ABLIM2: variants seen among roughly 807,000 people sequenced by gnomAD.
ABLIM2 encodes the protein actin binding LIM protein family member 2, also known as actin-binding LIM protein 2.
In ABLIM2, 53 loss-of-function variants were observed where a neutral mutation model predicts 97.7. The ratio of observed to expected loss-of-function variants is 0.54; its 90% CI spans 0.44 to 0.68. ABLIM2 has a LOEUF of 0.68. ABLIM2 is among the 30% of genes least tolerant of loss of function. The pLI is 0.00. For synonymous variants in ABLIM2, 361 were observed against 345.8 expected, an observed-to-expected ratio of 1.04 and a Z score of -0.49; for missense variants, 835 against 867.2, an observed-to-expected ratio of 0.96 and a Z score of 0.47.
At chr4:7,987,975 G>C (rs957213018) in intron 17 of ABLIM2, among the ~76,000 whole-genome samples, 8 of 152,150 alleles carry the variant, frequency 5.3e-5, no homozygotes, top group Non-Finnish European at 4.4e-5. Flanking sequence ...GCAGGCACCA[G>C]GGATTTTAAA....
At chr4:8,024,222 G>A (rs1775844382) in intron 12 of ABLIM2, among the ~76,000 whole-genome samples, 1 of 152,144 alleles carries the variant, frequency 6.6e-6, no homozygotes, top group Non-Finnish European at 1.5e-5. Flanking sequence ...GAGGCTGCCT[G>A]GCCAGAGGCT....
chr4:7,995,584 C>A (rs192828439), intron 16 of ABLIM2, among the ~76,000 whole-genome samples: 13 of 152,346 alleles, frequency 8.5e-5, no homozygotes, highest in Non-Finnish European at 1.6e-4. Flanking sequence ...CATGGGGACA[C>A]AGAGAAGCCT....
Position 7,966,828 on chromosome 4 carries a change from G to A in ABLIM2, c.*162C>T, listed in dbSNP as rs1723192172. The A allele has an allele frequency of 5.1e-6, 3 of 587,308 alleles. No individual in the cohort carries two copies. The highest frequency in any genetic ancestry group is 6.0e-6 in the Non-Finnish European group (2 of 331,332). The allele number at this position is 587,308 out of a possible 1,614,324, so 36.4% of individuals were successfully genotyped here. On this transcript the variant is annotated 3_prime_UTR_variant, in exon 21 of 21. Coordinates refer to ENST00000447017, the MANE Select transcript of ABLIM2 (RefSeq NM_001130083.2). ...GCCCTAAACTACCGGCAGGAGTGTC[G>A]CCGGCAGGTGCAGGGGCCGCACCTG...
At position 7,992,941 on chromosome 4, in the gene ABLIM2, A is replaced by G. The variant is rs969922302; in HGVS notation, c.1619-14T>C. ...AATAGGGGAATCCTGAAACAGACAC[A>G]GCACAGCTTTGTCACGCGCGCAGAC... is the stretch of plus-strand genomic sequence containing the variant. On this transcript the variant is annotated splice_polypyrimidine_tract_variant and intron_variant, in intron 16 of 20. Coordinates refer to ENST00000447017, the MANE Select transcript of ABLIM2 (RefSeq NM_001130083.2). This position sits in a 1 kb window ranked among gnomAD's most constrained non-coding sequence, Gnocchi z 5.7. The G allele has an allele frequency of 6.2e-7, 1 of 1,612,190 alleles. No individual in the cohort carries two copies. The highest frequency in any genetic ancestry group is 1.1e-5 in the South Asian group (1 of 90,672).
chr4:8,005,547 A>C lies in ABLIM2; in HGVS notation c.1618+2512T>G. 1 of 489,458 alleles carries C rather than the reference A, an allele frequency of 2.0e-6. No individual in the cohort carries two copies. Among genetic ancestry groups the C allele is most frequent in the Non-Finnish European group, 4.2e-6 (1 of 239,574 alleles). The allele number at this position is 489,458 out of a possible 1,614,324, so 30.3% of individuals were successfully genotyped here. On this transcript the variant is annotated intron_variant, in intron 16 of 20. Transcript: ENST00000447017. The surrounding 1 kb of genome is among the most constrained non-coding windows in gnomAD (Gnocchi z 4.9). ...GGGCTACTTGGTGACAATCAAAAGA[A>C]CCCCGAGAGAAAAAAAAGGGTGGCT...
intron 1 of ABLIM2, among the ~76,000 whole-genome samples, chr4:8,154,904 G>T (rs1714777743): frequency 6.6e-6 from 1 of 152,262 alleles, no homozygotes; most frequent in Non-Finnish European, 1.5e-5. Context: ...GAAGACGAAG[G>T]AGGGGCAAAG....
In ABLIM2 at chr4:8,148,604, C is replaced by CA. The variant is rs1852207631; in HGVS notation, c.10+10075_10+10076insT. Reference sequence around the variant, plus strand: ...AGGATTATAGGGTGAAAGCACATCGCGGTGCTGGGTCCACACTGGGGAAGC... The same window carrying CA: ...AGGATTATAGGGTGAAAGCACATCGCAGGTGCTGGGTCCACACTGGGGAAGC... On this transcript the variant is annotated intron_variant, in intron 1 of 20. Coordinates refer to ENST00000447017, the MANE Select transcript of ABLIM2 (RefSeq NM_001130083.2). The surrounding 1 kb of genome is among the most constrained non-coding windows in gnomAD (Gnocchi z 6.7). Among the ~76,000 whole-genome samples, 4 of 103,694 alleles carry CA rather than the reference C, an allele frequency of 3.9e-5. No homozygotes were observed. The highest frequency in any genetic ancestry group is 8.1e-5 in the Non-Finnish European group (4 of 49,602). The allele number at this position is 103,694 out of a possible 152,430, so 68.0% of individuals were successfully genotyped here.
intron 1 of ABLIM2, among the ~76,000 whole-genome samples, chr4:8,135,312 C>A (rs1006784454): frequency 6.6e-6 from 1 of 152,202 alleles, no homozygotes; most frequent in Non-Finnish European, 1.5e-5. Flanking sequence ...AGAAAGTGGA[C>A]ATTGCACAGG....
At position 7,965,385 on chromosome 4, in the gene ABLIM2, A is replaced by G. The variant is rs1722501669; in HGVS notation, c.*1605T>C. ...CTGGGATCAGATATGACATTGCACT[A>G]ATGAGAAATGGGGGTTTCCAGTTGC... On this transcript the variant is annotated 3_prime_UTR_variant, in exon 21 of 21. Transcript: ENST00000447017. The G allele has an allele frequency of 6.6e-6, 1 of 152,666 alleles. No homozygotes were observed. Among genetic ancestry groups the G allele is most frequent in the Non-Finnish European group, 1.5e-5 (1 of 68,036 alleles). 9.5% of individuals were successfully genotyped at this position (152,666 alleles called of 1,614,324 possible). A position where few individuals can be genotyped will look rare whatever the true frequency, so the allele number is the denominator to read the frequency against.
At position 8,000,709 on chromosome 4, in the gene ABLIM2, G is replaced by A. The variant is rs74519376; in HGVS notation, c.1618+7350C>T. Among the ~76,000 whole-genome samples the A allele has an allele frequency of 2.5e-3, 381 of 152,226 alleles. 9 individuals carry two copies. Among genetic ancestry groups the A allele is most frequent in the African/African-American group, 8.4e-3 (348 of 41,500 alleles). On this transcript the variant is annotated intron_variant, in intron 16 of 20. Transcript: ENST00000447017. ...GGCTGCTGCTCAGGGAGCTGTCCCC[G>A]GAGGCTTTGGGAAGATGCGGCCAAT...
At chr4:8,007,064 C>T in intron 16 of ABLIM2, 1 of 985,440 alleles carries the variant, frequency 1.0e-6, no homozygotes, top group African/African-American at 1.7e-5. Context: ...ATCATCATTT[C>T]CAAGCTTCTG....
Position 8,069,313 on chromosome 4 carries a change from C to G in ABLIM2, c.676-8259G>C, listed in dbSNP as rs942436148. Among the ~76,000 whole-genome samples the G allele has an allele frequency of 6.6e-6, 1 of 152,258 alleles. No homozygotes were observed. Among genetic ancestry groups the G allele is most frequent in the African/African-American group, 2.4e-5 (1 of 41,472 alleles). On this transcript the variant is annotated intron_variant, in intron 6 of 20. Coordinates refer to ENST00000447017, the MANE Select transcript of ABLIM2 (RefSeq NM_001130083.2). This position sits in a 1 kb window ranked among gnomAD's most constrained non-coding sequence, Gnocchi z 4.2. Reference sequence around the variant, plus strand: ...GGCCAGCCTGAGCGGCCCTAGAGGACCAGAGAACTTGACTAAGTTTGGGAA... The same window carrying G: ...GGCCAGCCTGAGCGGCCCTAGAGGAGCAGAGAACTTGACTAAGTTTGGGAA...
chr4:8,132,425 T>C lies in ABLIM2; in HGVS notation c.11-25788A>G, dbSNP rs2152932723. Reference sequence around the variant, plus strand: ...GGAAGACACCAGTGCTTTTTCAGGATTGTAAAACTTAGGTTTAGAGGGATC... The same window carrying C: ...GGAAGACACCAGTGCTTTTTCAGGACTGTAAAACTTAGGTTTAGAGGGATC... On this transcript the variant is annotated intron_variant, in intron 1 of 20. Transcript: ENST00000447017. This position sits in a 1 kb window ranked among gnomAD's most constrained non-coding sequence, Gnocchi z 8.0. Among the ~76,000 whole-genome samples, 3 of 152,276 alleles carry C rather than the reference T, an allele frequency of 2.0e-5. No individual in the cohort carries two copies. In the South Asian group the frequency reaches 6.2e-4, roughly 32 times the overall value.
rs1439071481 is a variant in ABLIM2 at position 8,036,653 on chromosome 4, G to A, written c.901-358C>T. 2.6e-5 allele frequency among the ~76,000 whole-genome samples: 4 copies of A among 152,358 alleles called. 1 individual carries two copies. In the South Asian group the frequency reaches 6.2e-4, roughly 24 times the overall value. On this transcript the variant is annotated intron_variant, in intron 9 of 20. Coordinates refer to ENST00000447017, the MANE Select transcript of ABLIM2 (RefSeq NM_001130083.2). The stretch of plus-strand genomic sequence containing the variant: ...CACAAAAGAGCCAGTAGGCCTTGCG[G>A]AAGTGTCTTCTCTAAGCCTCAGTTT...
chr4:8,088,539 G>T (rs139896809), intron 3 of ABLIM2, among the ~76,000 whole-genome samples: 250 of 152,340 alleles, frequency 1.6e-3, no homozygotes, highest in Non-Finnish European at 2.5e-3. Context: ...ACCTAAGGTG[G>T]TGGTGAGGAC....
In ABLIM2 at chr4:7,976,674, C is replaced by T. The variant is rs528226972; in HGVS notation, c.1824+6590G>A. 2.8e-3 allele frequency among the ~76,000 whole-genome samples: 421 copies of T among 150,652 alleles called. 1 individual carries two copies. Among genetic ancestry groups the T allele is most frequent in the African/African-American group, 6.9e-3 (277 of 40,020 alleles). ...CCTCATCTTACACAACACATGCACA[C>T]ACACACATGTGCATGCACACACATG... is the stretch of plus-strand genomic sequence containing the variant. On this transcript the variant is annotated intron_variant, in intron 20 of 20. Coordinates refer to ENST00000447017, the MANE Select transcript of ABLIM2 (RefSeq NM_001130083.2).
Position 8,124,598 on chromosome 4 carries a change from T to C in ABLIM2, c.11-17961A>G, listed in dbSNP as rs1533507. Among the ~76,000 whole-genome samples the C allele has an allele frequency of 0.1, 15,166 of 152,250 alleles. 1,739 individuals are homozygous for C. Among genetic ancestry groups the C allele is most frequent in the East Asian group, 0.57 (2,975 of 5,178 alleles). ...GTGGGCGTCAGTGCCTCTTTCCTTT[T>C]GATGGCTGAGAAATATTCCGTTGTA... On this transcript the variant is annotated intron_variant, in intron 1 of 20. Coordinates refer to ENST00000447017, the MANE Select transcript of ABLIM2 (RefSeq NM_001130083.2). This position sits in a 1 kb window ranked among gnomAD's most constrained non-coding sequence, Gnocchi z 6.1.
In ABLIM2 at chr4:8,127,736, G is replaced by A. The variant is rs1462644433; in HGVS notation, c.11-21099C>T. 2 of 982,610 alleles carry A rather than the reference G, an allele frequency of 2.0e-6. No individual in the cohort carries two copies. The highest frequency in any genetic ancestry group is 1.7e-5 in the African/African-American group (1 of 57,146). 60.9% of individuals were successfully genotyped at this position (982,610 alleles called of 1,614,324 possible). ...GCAGCTGCCACCCTCTGCCCGGGGA[G>A]GGGCAGAGCCAAGCCCTTCCCGGCA... On this transcript the variant is annotated intron_variant, in intron 1 of 20. Coordinates refer to ENST00000447017, the MANE Select transcript of ABLIM2 (RefSeq NM_001130083.2). This position sits in a 1 kb window ranked among gnomAD's most constrained non-coding sequence, Gnocchi z 7.3.
intron 1 of ABLIM2, among the ~76,000 whole-genome samples, chr4:8,133,053 C>T (rs1025742835): frequency 6.6e-6 from 1 of 152,162 alleles, no homozygotes; most frequent in Non-Finnish European, 1.5e-5. Flanking sequence ...TGGGAAGGAC[C>T]TTCCTGGCCT....
Sources: allele counts gnomAD v4.1 joint callset (sites outside exome capture counted in the v4.1 genomes callset), GRCh38; gene constraint gnomAD v4.1.1; non-coding constraint Gnocchi (gnomAD v3.1); transcripts MANE v1.5; gene names NCBI Gene and HGNC (gene_info 2026-07-23, HGNC 2026-07-21).